Variants in ERC2 observed in about 807,000 individuals in gnomAD.
ERC2 encodes the protein ERC protein 2.
A neutral mutation model predicts 114.8 loss-of-function variants in ERC2; 42 were observed. That is an observed-to-expected ratio of 0.37 (90% CI 0.29 to 0.47). The LOEUF is 0.47. ERC2 is among the 20% of genes least tolerant of loss of function. ERC2 has a pLI of 0.99. For synonymous variants in ERC2, 454 were observed against 425.5 expected (o/e 1.07, Z -0.82); for missense variants, 939 against 1,150.7 (o/e 0.82, Z 2.66).
intron 17 of ERC2, among the ~76,000 whole-genome samples, chr3:55,547,509 G>T (rs1003451306): frequency 1.3e-5 from 2 of 152,164 alleles, no homozygotes; most frequent in South Asian, 2.1e-4. Flanking sequence ...CCAGTTTAAG[G>T]TCTTCTTTCT....
At chr3:55,531,954 G>A (rs2053693256) in intron 17 of ERC2, among the ~76,000 whole-genome samples, 1 of 152,210 alleles carries the variant, frequency 6.6e-6, no homozygotes, top group African/African-American at 2.4e-5. Context: ...AAAAAGACTG[G>A]CAAATAAAAC....
intron 7 of ERC2, among the ~76,000 whole-genome samples, chr3:56,057,760 C>A (rs766754530): frequency 9.2e-5 from 14 of 152,098 alleles, no homozygotes; most frequent in Non-Finnish European, 1.9e-4. Context: ...GACAATGATT[C>A]TGTCCTTATA....
chr3:55,786,305 A>C (rs1007008233), intron 14 of ERC2, among the ~76,000 whole-genome samples: 12 of 152,214 alleles, frequency 7.9e-5, no homozygotes, highest in African/African-American at 2.9e-4. Flanking sequence ...TACCCACTGA[A>C]TCTAATGCCA....
At chr3:55,694,363 C>G (rs560341839) in intron 16 of ERC2, among the ~76,000 whole-genome samples, 1 of 152,118 alleles carries the variant, frequency 6.6e-6, no homozygotes, top group Non-Finnish European at 1.5e-5. Flanking sequence ...CAGAGTACCT[C>G]GTAAGGGCCA....
chr3:56,447,824 C>A (rs1204293229), intron 1 of ERC2, among the ~76,000 whole-genome samples: 1 of 151,136 alleles, frequency 6.6e-6, no homozygotes, highest in Non-Finnish European at 1.5e-5. Context: ...CTCACTGCAA[C>A]CTCTGCCTCC....
chr3:55,707,624 C>T (rs938736982), intron 15 of ERC2, among the ~76,000 whole-genome samples: 2 of 152,186 alleles, frequency 1.3e-5, no homozygotes, highest in African/African-American at 2.4e-5. Context: ...AGGATCCTAA[C>T]CGACATTGTG....
rs2061961192 is a variant in ERC2, at chr3:56,435,171, T to A, written c.-140-24A>T. 3 of 603,232 alleles carry A rather than the reference T, an allele frequency of 5.0e-6. No homozygotes were observed. The Admixed American group carries it at 9.3e-5, about 19-fold the overall frequency. 37.4% of individuals were successfully genotyped at this position (603,232 alleles called of 1,614,324 possible). A position where few individuals can be genotyped will look rare whatever the true frequency, so the allele number is the denominator to read the frequency against. On this transcript the variant is annotated intron_variant, in intron 1 of 17. Coordinates refer to ENST00000288221, the MANE Select transcript of ERC2 (RefSeq NM_015576.3). ...ATCTACAAAGTGAAAAAAAGAATAA[T>A]TAAAAACAAATTTCTTTAGAACTCT...
In ERC2 at chr3:55,793,659, T is replaced by C. The variant is rs557156328; in HGVS notation, c.2565-58741A>G. Among the ~76,000 whole-genome samples the C allele has an allele frequency of 3.3e-5, 5 of 152,288 alleles. No individual in the cohort carries two copies. The South Asian group carries it at 8.3e-4, about 25-fold the overall frequency. On this transcript the variant is annotated intron_variant, in intron 14 of 17. Coordinates refer to ENST00000288221, the MANE Select transcript of ERC2 (RefSeq NM_015576.3). ...AATTAAAATTAAAAACAAAAGAGCC[T>C]AGATAAAGCAGAAATAATTTACACT...
chr3:55,729,979 A>G (rs1257396828), intron 15 of ERC2, among the ~76,000 whole-genome samples: 2 of 152,028 alleles, frequency 1.3e-5, no homozygotes, highest in African/African-American at 2.4e-5. Context: ...TTGAATTCCA[A>G]TGTGGCAAAC....
chr3:55,539,358 G>A (rs1226630864), intron 17 of ERC2, among the ~76,000 whole-genome samples: 1 of 140,892 alleles, frequency 7.1e-6, no homozygotes, highest in Non-Finnish European at 1.6e-5. Flanking sequence ...TTTCTAAGAC[G>A]TATTTTCTTT....
At chr3:55,592,239 G>A (rs1024051519) in intron 17 of ERC2, among the ~76,000 whole-genome samples, 4 of 152,210 alleles carry the variant, frequency 2.6e-5, no homozygotes, top group African/African-American at 4.8e-5. Context: ...GCATATCCCC[G>A]TATCTGGGCA....
In ERC2 at chr3:56,027,071, T is replaced by A. The variant is rs115579805; in HGVS notation, c.1642-8040A>T. 4.4e-3 allele frequency among the ~76,000 whole-genome samples: 669 copies of A among 152,378 alleles called. 4 individuals carry two copies. The highest frequency in any genetic ancestry group is 0.016 in the African/African-American group (646 of 41,594). On this transcript the variant is annotated intron_variant, in intron 7 of 17. Transcript: ENST00000288221. ...TATATAAATAAAGTCACACAGTATGTAACCTGTGGGATTGGCTTTTTTCAC... is the reference window on the plus strand; with the variant it reads ...TATATAAATAAAGTCACACAGTATGAAACCTGTGGGATTGGCTTTTTTCAC...
intron 17 of ERC2, among the ~76,000 whole-genome samples, chr3:55,640,118 G>A (rs2060116697): frequency 6.6e-6 from 1 of 152,198 alleles, no homozygotes; most frequent in African/African-American, 2.4e-5. Context: ...CTCCCCCGCA[G>A]AGAAGTCTGT....
At chr3:56,169,124 C>T (rs926768423) in intron 4 of ERC2, among the ~76,000 whole-genome samples, 1 of 152,170 alleles carries the variant, frequency 6.6e-6, no homozygotes, top group Non-Finnish European at 1.5e-5. Flanking sequence ...CTTCTTAATC[C>T]ACTTTAGTTA....
intron 13 of ERC2, among the ~76,000 whole-genome samples, chr3:55,905,419 AGTG>A (rs546135097): frequency 4.6e-5 from 7 of 151,372 alleles, no homozygotes; most frequent in South Asian, 2.1e-4. Flanking sequence ...AGTTTGGAGT[AGTG>A]GTGGTGGTGG....
chr3:56,288,295 T>C, intron 3 of ERC2, among the ~76,000 whole-genome samples: 1 of 152,126 alleles, frequency 6.6e-6, no homozygotes, highest in Non-Finnish European at 1.5e-5. Context: ...AAAAAATATT[T>C]TTCAGAGCGC....
intron 6 of ERC2, among the ~76,000 whole-genome samples, chr3:56,114,602 C>T (rs1296656283): frequency 6.6e-6 from 1 of 152,102 alleles, no homozygotes; most frequent in African/African-American, 2.4e-5. Context: ...ATAAAGGATA[C>T]AACCCAGGAA....
intron 17 of ERC2, among the ~76,000 whole-genome samples, chr3:55,663,689 A>G (rs2061235915): frequency 6.6e-6 from 1 of 152,030 alleles, no homozygotes; most frequent in East Asian, 1.9e-4. Context: ...TCAACATTAA[A>G]CTTTGCATTG....
At chr3:55,766,064 A>G (rs191020272) in intron 14 of ERC2, among the ~76,000 whole-genome samples, 8 of 152,312 alleles carry the variant, frequency 5.3e-5, no homozygotes, top group Admixed American at 5.2e-4. Context: ...AAGTCCCAGG[A>G]CACTAAGAGA....
Sources: gnomAD v4.1 joint callset for allele counts (sites outside exome capture counted in the v4.1 genomes callset) on GRCh38, gnomAD v4.1.1 for gene constraint, MANE v1.5 for transcripts, NCBI Gene and HGNC (gene_info 2026-07-23, HGNC 2026-07-21) for gene names.